The following FAM83D variants were observed in gnomAD, a reference collection of about 807,000 sequenced individuals.
FAM83D encodes scaffolding CK1 anchoring protein D.
In FAM83D, 26 loss-of-function variants were observed where a neutral mutation model predicts 25.4. The observed-to-expected ratio is 1.02, with a 90% CI of 0.75 to 1.42. The LOEUF (loss-of-function observed/expected upper bound fraction) is 1.42, where lower values mean the gene tolerates loss of function less well. Ranked by LOEUF, FAM83D falls within the 40% of genes most tolerant of loss-of-function variation. The pLI is 0.00. For missense variants in FAM83D, 740 were observed against 758.1 expected, an observed-to-expected ratio of 0.98 and a Z score of 0.28; for synonymous variants, 310 against 318.5, an observed-to-expected ratio of 0.97 and a Z score of 0.28.
At chr20:38,945,965 T>C (rs894876730) in intron 2 of FAM83D, among the ~76,000 whole-genome samples, 6 of 151,984 alleles carry the variant, frequency 3.9e-5, no homozygotes, top group African/African-American at 1.4e-4. Context: ...CCCAGCACTT[T>C]GGGAGGTTGA....
At chr20:38,943,092 T>G (rs531724118) in intron 2 of FAM83D, among the ~76,000 whole-genome samples, 4 of 151,766 alleles carry the variant, frequency 2.6e-5, no homozygotes, top group Non-Finnish European at 5.9e-5. Context: ...TGGCCCAATC[T>G]AGGCTCACTG....
At chr20:38,936,110 C>T (rs890206511) in intron 1 of FAM83D, among the ~76,000 whole-genome samples, 1 of 151,886 alleles carries the variant, frequency 6.6e-6, no homozygotes, top group Non-Finnish European at 1.5e-5. Context: ...GAATTCCAAG[C>T]ATGTTGCACA....
At chr20:38,944,996 C>T (rs543965311) in intron 2 of FAM83D, among the ~76,000 whole-genome samples, 2 of 151,914 alleles carry the variant, frequency 1.3e-5, no homozygotes, top group Non-Finnish European at 2.9e-5. Context: ...GTTTTACCTC[C>T]TTCCTGGGGA....
chr20:38,948,103 C>A, intron 3 of FAM83D, 103 bp downstream of exon 3: 1 of 1,374,664 alleles, frequency 7.3e-7, no homozygotes, highest in Non-Finnish European at 9.9e-7. Context: ...CCTGTATGGC[C>A]ATGCATTCTG....
Position 38,942,062 on chromosome 20 carries a change from A to G in FAM83D, c.587A>G (p.Gln196Arg). 1 of 1,614,240 alleles carries G rather than the reference A, an allele frequency of 6.2e-7. No individual in the cohort carries two copies. The highest frequency in any genetic ancestry group is 8.5e-7 in the Non-Finnish European group (1 of 1,180,048). Residue 196 changes from glutamine to arginine, a missense_variant, in exon 2 of 4, where the codon CAG (glutamine) becomes CGG (arginine). Gln to Arg is a conservative substitution (Grantham distance 43). Around this residue, in one of 3 missense-constraint regions of FAM83D, gnomAD observed 333 missense variants for 298.6 expected, o/e 1.12. Transcript: ENST00000619850. ...GTTGCTGTGTATATCCTTCTGGACC[A>G]GGCTCTCCTCTCTCAATTTCTGGAT... ...QGVAVYILLDQALLSQFLDMC... is the reference protein window; with the variant it reads ...QGVAVYILLDRALLSQFLDMC...
At chr20:38,935,555 G>T (rs1201093084) in intron 1 of FAM83D, among the ~76,000 whole-genome samples, 1 of 152,152 alleles carries the variant, frequency 6.6e-6, no homozygotes, top group African/African-American at 2.4e-5. Flanking sequence ...TAATCCTCCT[G>T]CCTCAGACTC....
rs2085761551 is a variant in FAM83D, at chr20:38,952,567, A to G, written c.*47A>G. ...GGTTTCTTCCAGGCTTACAGTGGAC[A>G]TCATCAGCTTCCTGCTTTAAAAAAT... is the stretch of plus-strand genomic sequence containing the variant. On this transcript the variant is annotated 3_prime_UTR_variant, in exon 4 of 4. Transcript: ENST00000619850. The G allele has an allele frequency of 3.9e-6, 6 of 1,554,644 alleles. No individual in the cohort carries two copies. In the East Asian group the frequency reaches 1.4e-4, roughly 35 times the overall value.
At chr20:38,941,834 G>A in intron 1 of FAM83D, 125 bp from the exon 2 acceptor site, 1 of 918,812 alleles carries the variant, frequency 1.1e-6, no homozygotes, top group Non-Finnish European at 1.7e-6. Flanking sequence ...GCAGAAGGGG[G>A]AGGGAAGGAT....
At position 38,926,675 on chromosome 20, in the gene FAM83D, A is replaced by G. The variant is rs984244548; in HGVS notation, c.233A>G (p.Glu78Gly). ...ILRAAERPGE[E>G]GAAAAAAAED... ...CGCGCGGCGGAGAGGCCGGGAGAGG[A>G]GGGCGCGGCGGCGGCGGCGGCGGCC... Residue 78 changes from glutamate (E) to glycine (G), a missense_variant, in exon 1 of 4, where the codon GAG (glutamate) becomes GGG (glycine). By Grantham distance (98) the Glu-to-Gly change is moderately conservative (BLOSUM62 -2). Coordinates refer to ENST00000619850, the MANE Select transcript of FAM83D (RefSeq NM_030919.3). The G allele has an allele frequency of 1.2e-5, 18 of 1,525,662 alleles. No individual in the cohort carries two copies. Among genetic ancestry groups the G allele is most frequent in the Non-Finnish European group, 1.6e-5 (18 of 1,142,766 alleles). 94.5% of individuals were successfully genotyped at this position (1,525,662 alleles called of 1,614,324 possible).
chr20:38,949,975 C>T (rs969649487), intron 3 of FAM83D, among the ~76,000 whole-genome samples: 8 of 152,174 alleles, frequency 5.3e-5, no homozygotes, highest in South Asian at 2.1e-4. Context: ...CCCGCCACCA[C>T]GCCCAGCTAA....
At chr20:38,950,064 G>A (rs557180975) in intron 3 of FAM83D, among the ~76,000 whole-genome samples, 7 of 152,196 alleles carry the variant, frequency 4.6e-5, no homozygotes, top group East Asian at 3.9e-4. Context: ...CTTGTGATCC[G>A]GCCACCTTGG....
At chr20:38,947,253 G>C (rs117648051) in intron 2 of FAM83D, among the ~76,000 whole-genome samples, 65 of 152,278 alleles carry the variant, frequency 4.3e-4, no homozygotes, top group Non-Finnish European at 6.9e-4. Context: ...ACCAGTGTAC[G>C]TTTTTGGTAA....
Position 38,948,011 on chromosome 20 carries a change from A to T in FAM83D, c.776+11A>T, listed in dbSNP as rs1568700026. 6.2e-7 allele frequency: 1 copy of T among 1,614,004 alleles called. No homozygotes were observed. Among genetic ancestry groups the T allele is most frequent in the Admixed American group, 1.7e-5 (1 of 60,000 alleles). ...AACAGGCTCCTACAGGTAAGTCTCT[A>T]ACCCGTCCAAGGCTTATTAATCTAA... On this transcript the variant is annotated intron_variant, in intron 3 of 3. Coordinates refer to ENST00000619850, the MANE Select transcript of FAM83D (RefSeq NM_030919.3).
At position 38,927,212 on chromosome 20, in the gene FAM83D, G is replaced by A. The variant is rs1254921432; in HGVS notation, c.483+287G>A. 2.0e-5 allele frequency among the ~76,000 whole-genome samples: 3 copies of A among 152,168 alleles called. No homozygotes were observed. The South Asian group carries it at 6.2e-4, about 31-fold the overall frequency. ...CTAACGTTCATATCCCTGAAGGAGG[G>A]ACCAGAAGTACTCTGAGTTCCAAAT... On this transcript the variant is annotated intron_variant, in intron 1 of 3. Transcript: ENST00000619850.
At chr20:38,948,061 T>G in intron 3 of FAM83D, 61 bp downstream of exon 3, 1 of 1,592,372 alleles carries the variant, frequency 6.3e-7, no homozygotes, top group Non-Finnish European at 8.6e-7. Context: ...GCATGTCATG[T>G]AAAGGTAAAA....
chr20:38,947,230 C>T (rs2085732234), intron 2 of FAM83D, among the ~76,000 whole-genome samples: 1 of 152,084 alleles, frequency 6.6e-6, no homozygotes, highest in South Asian at 2.1e-4. Flanking sequence ...GTATATTGCC[C>T]CAGCATACCA....
intron 1 of FAM83D, among the ~76,000 whole-genome samples, chr20:38,941,427 A>G (rs2085701526): frequency 6.6e-6 from 1 of 152,218 alleles, no homozygotes; most frequent in African/African-American, 2.4e-5. Flanking sequence ...AGAGATTATG[A>G]TTCAAAACCA....
In FAM83D at chr20:38,951,738, C is replaced by T; in HGVS notation, c.976C>T (p.Leu326=). The change falls in exon 4 of 4, where the codon CTG becomes TTG. Residue 326 remains leucine, a synonymous_variant. Coordinates refer to ENST00000619850, the MANE Select transcript of FAM83D (RefSeq NM_030919.3). The part of the protein sequence containing the change: ...NRKPQSKELT[L]GNLLRMRLAR... The stretch of plus-strand genomic sequence containing the variant: ...AAAACCACAGTCCAAGGAGCTCACC[C>T]TGGGCAACCTGCTGCGGATGCGGCT... The T allele has an allele frequency of 6.2e-7, 1 of 1,614,182 alleles. No homozygotes were observed. Among genetic ancestry groups the T allele is most frequent in the Non-Finnish European group, 8.5e-7 (1 of 1,180,040 alleles).
intron 1 of FAM83D, among the ~76,000 whole-genome samples, chr20:38,933,948 G>A (rs186033482): frequency 4.6e-4 from 69 of 151,628 alleles, no homozygotes; most frequent in Middle Eastern, 3.4e-3. Flanking sequence ...TCTGCCTCCC[G>A]GGTTCAAGCG....
Sources: allele counts gnomAD v4.1 joint callset (sites outside exome capture counted in the v4.1 genomes callset), GRCh38; gene constraint gnomAD v4.1.1; regional missense constraint gnomAD v4.1.1; transcripts MANE v1.5; gene names NCBI Gene and HGNC (gene_info 2026-07-23, HGNC 2026-07-21).